The following SMG1 variants were observed in gnomAD, a reference collection of about 807,000 sequenced individuals.
The protein encoded by SMG1 is serine/threonine-protein kinase SMG1.
SMG1 carries 22 observed loss-of-function variants against 419.9 expected under a neutral mutation model. The observed-to-expected ratio is 0.05, with a 90% CI of 0.04 to 0.07. The LOEUF is 0.07. Among genes scored for constraint, SMG1 ranks in the 10% least tolerant of loss-of-function variants. The pLI is 1.00. For missense variants in SMG1, 3,185 were observed against 4,342.0 expected (o/e 0.73, Z 7.49); for synonymous variants, 1,538 against 1,553.5 (o/e 0.99, Z 0.23).
At chr16:18,902,235 A>C (rs1203683743) in intron 1 of SMG1, among the ~76,000 whole-genome samples, 1 of 152,206 alleles carries the variant, frequency 6.6e-6, no homozygotes, top group African/African-American at 2.4e-5. Context: ...TCACAACTCT[A>C]CAGGGACAGG....
intron 3 of SMG1, among the ~76,000 whole-genome samples, chr16:18,894,745 T>C (rs2037041515): frequency 6.8e-6 from 1 of 147,708 alleles, no homozygotes; most frequent in South Asian, 2.1e-4. Context: ...CAAAGCCCCA[T>C]AACTCAGCTT....
At chr16:18,889,254 C>T (rs1420065551) in intron 6 of SMG1, 118 bp downstream of exon 6, 5 of 506,142 alleles carry the variant, frequency 9.9e-6, no homozygotes, top group East Asian at 3.6e-5. Context: ...AACATATTTC[C>T]TATCAGTAGA....
Position 18,832,668 on chromosome 16 carries a change from T to C in SMG1, c.8792+272A>G, listed in dbSNP as rs142054291. Among the ~76,000 whole-genome samples the C allele has an allele frequency of 3.2e-4, 49 of 151,898 alleles. No individual in the cohort carries two copies. In the East Asian group the frequency reaches 8.9e-3, roughly 28 times the overall value. ...TGAGTAAGCGGTGTGGACTATATCA[T>C]TGTCGGTTTCATAGTGTTACTATAG... On this transcript the variant is annotated intron_variant, in intron 51 of 62. Coordinates refer to ENST00000446231, the MANE Select transcript of SMG1 (RefSeq NM_015092.5).
intron 58 of SMG1, chr16:18,815,925 C>A: frequency 2.1e-6 from 1 of 474,636 alleles, no homozygotes; most frequent in Non-Finnish European, 3.7e-6. Context: ...CTATGTACAA[C>A]ACTGGAGGGA....
chr16:18,890,644 C>T (rs1211978427), intron 5 of SMG1, among the ~76,000 whole-genome samples: 3 of 151,964 alleles, frequency 2.0e-5, no homozygotes, highest in Non-Finnish European at 2.9e-5. Context: ...GGTGAGACTC[C>T]GGCTCAAAAA....
At chr16:18,884,973 T>C (rs1246319248) in intron 8 of SMG1, 117 bp downstream of exon 8, 1 of 649,270 alleles carries the variant, frequency 1.5e-6, no homozygotes, top group Non-Finnish European at 2.7e-6. Context: ...CAATAAAACA[T>C]TTCTCTGAAT....
chr16:18,819,639 G>C lies in SMG1; in HGVS notation c.9757C>G (p.Leu3253Val), dbSNP rs375982157. 11 of 1,575,436 alleles carry C rather than the reference G, an allele frequency of 7.0e-6. No individual in the cohort carries two copies. Among genetic ancestry groups the C allele is most frequent in the Non-Finnish European group, 1.7e-6 (2 of 1,160,408 alleles). ...IATVQEKLAA[L>V]ESSIEQRLKW... ...AGTCGCTGTTCAATACTTGATTCAA[G>C]TGCAGCTAGCTTCTCCTATAAAAGC... Residue 3253 changes from leucine (L) to valine (V), a missense_variant, in exon 56 of 63, where the codon CTT (leucine) becomes GTT (valine). Physicochemically the swap from Leu to Val is conservative, Grantham distance 32. Around this residue, in one of 27 missense-constraint regions of SMG1, gnomAD observed 737 missense variants for 846.6 expected, o/e 0.87. Transcript: ENST00000446231.
At chr16:18,833,615 T>C (rs2033357311) in intron 50 of SMG1, among the ~76,000 whole-genome samples, 1 of 152,136 alleles carries the variant, frequency 6.6e-6, no homozygotes, top group Non-Finnish European at 1.5e-5. Flanking sequence ...ATAAACTGCA[T>C]GTTTAAAATA....
At chr16:18,832,821 A>T in intron 51 of SMG1, 119 bp downstream of exon 51, 1 of 823,908 alleles carries the variant, frequency 1.2e-6, no homozygotes, top group South Asian at 1.6e-5. Context: ...ATGAGCATTT[A>T]TAAGTAATTA....
rs1048872249 is a variant in SMG1 at position 18,806,135 on chromosome 16, T to C, written c.*3434A>G. On this transcript the variant is annotated 3_prime_UTR_variant, in exon 63 of 63. Coordinates refer to ENST00000446231, the MANE Select transcript of SMG1 (RefSeq NM_015092.5). ...AGTCTAATATTTGGCTGTACTTGCA[T>C]TGCCCTGCTCGGCATTTTTAAAAAA... is the stretch of plus-strand genomic sequence containing the variant. 5.2e-5 allele frequency: 8 copies of C among 152,742 alleles called. No homozygotes were observed. The highest frequency in any genetic ancestry group is 1.4e-4 in the African/African-American group (6 of 41,556). The allele number at this position is 152,742 out of a possible 1,614,324, so 9.5% of individuals were successfully genotyped here. A position where few individuals can be genotyped will look rare whatever the true frequency, so the allele number is the denominator to read the frequency against.
At chr16:18,851,563 A>G (rs1264447608) in intron 33 of SMG1, among the ~76,000 whole-genome samples, 1 of 152,200 alleles carries the variant, frequency 6.6e-6, no homozygotes, top group Non-Finnish European at 1.5e-5. Flanking sequence ...ACTTCACTTA[A>G]TAACTTTTTT....
intron 1 of SMG1, among the ~76,000 whole-genome samples, chr16:18,905,531 G>C (rs893270247): frequency 2.0e-5 from 3 of 151,498 alleles, no homozygotes; most frequent in African/African-American, 7.3e-5. Flanking sequence ...CCATTCTAAA[G>C]TTTATGAGTT....
In SMG1 at chr16:18,816,306, G is replaced by A. The variant is rs1567313970; in HGVS notation, c.10298C>T (p.Ala3433Val). 6.2e-7 allele frequency: 1 copy of A among 1,612,494 alleles called. No individual in the cohort carries two copies. Among genetic ancestry groups the A allele is most frequent in the East Asian group, 2.2e-5 (1 of 44,882 alleles). The change falls in exon 58 of 63, where the codon GCT becomes GTT. Residue 3433 changes from alanine to valine, a missense_variant. By Grantham distance (64) the Ala-to-Val change is moderately conservative. This residue lies in a region of SMG1 where 737 missense variants were observed against 846.6 expected (regional missense o/e 0.87). Coordinates refer to ENST00000446231, the MANE Select transcript of SMG1 (RefSeq NM_015092.5). ...GDVKHLLKAMAKDEEAALADG... is the reference protein window; with the variant it reads ...GDVKHLLKAMVKDEEAALADG... ...TGTTCATGGTATTAGTCTTACCTTA[G>A]CCATAGCTTTCAAGAGATGTTTGAC...
chr16:18,897,690 G>A (rs575508198), intron 1 of SMG1, among the ~76,000 whole-genome samples: 2 of 152,270 alleles, frequency 1.3e-5, no homozygotes, highest in South Asian at 4.1e-4. Context: ...AAGGGTAAAA[G>A]TGTGTCCTCA....
intron 41 of SMG1, among the ~76,000 whole-genome samples, chr16:18,840,683 A>T (rs1365894324): frequency 6.6e-6 from 1 of 152,246 alleles, no homozygotes. Context: ...TGCCATGGTG[A>T]TTAATTCCAA....
At chr16:18,906,382 C>T (rs1363274295) in intron 1 of SMG1, among the ~76,000 whole-genome samples, 1 of 152,074 alleles carries the variant, frequency 6.6e-6, no homozygotes, top group African/African-American at 2.4e-5. Context: ...ACACGGGAGA[C>T]TGACACAGGA....
intron 15 of SMG1, 61 bp downstream of exon 15, chr16:18,872,123 T>G: frequency 1.9e-6 from 2 of 1,061,332 alleles, no homozygotes; most frequent in Non-Finnish European, 2.6e-6. Flanking sequence ...TTTCTTATTC[T>G]CAAATTATAA....
chr16:18,867,084 T>C (rs895308599), intron 22 of SMG1, among the ~76,000 whole-genome samples: 1 of 152,164 alleles, frequency 6.6e-6, no homozygotes, highest in Non-Finnish European at 1.5e-5. Flanking sequence ...TAAATATAAA[T>C]AAACAGGAAT....
At chr16:18,828,917 G>T (rs577107598) in intron 54 of SMG1, among the ~76,000 whole-genome samples, 47 of 151,920 alleles carry the variant, frequency 3.1e-4, no homozygotes, top group African/African-American at 1.1e-3. Context: ...AGAATCGCTT[G>T]AACCCAGGAG....
Sources: gnomAD v4.1 joint callset for allele counts (sites outside exome capture counted in the v4.1 genomes callset) on GRCh38, gnomAD v4.1.1 for gene constraint, gnomAD v4.1.1 regional missense constraint, MANE v1.5 for transcripts, NCBI Gene and HGNC (gene_info 2026-07-23, HGNC 2026-07-21) for gene names.